The following C8orf34 variants were observed in gnomAD, a reference collection of about 807,000 sequenced individuals.
C8orf34 encodes the protein chromosome 8 open reading frame 34.
In C8orf34, 65 loss-of-function variants were observed where a neutral mutation model predicts 68.3. The ratio of observed to expected loss-of-function variants is 0.95; its 90% confidence interval spans 0.78 to 1.17. The LOEUF (loss-of-function observed/expected upper bound fraction) is 1.17, where lower values mean the gene tolerates loss of function less well. Among genes scored for constraint, C8orf34 ranks in the 50% most tolerant of loss-of-function variants. C8orf34 has a pLI of 0.00. For synonymous variants in C8orf34, 244 were observed against 241.2 expected, an observed-to-expected ratio of 1.01 and a Z score of -0.11; for missense variants, 664 against 655.4, an observed-to-expected ratio of 1.01 and a Z score of -0.14.
intron 1 of C8orf34, among the ~76,000 whole-genome samples, chr8:68,382,327 G>GAC (rs1563393324): frequency 6.6e-6 from 1 of 150,764 alleles, no homozygotes; most frequent in Non-Finnish European, 1.5e-5. Context: ...TCTTGACAGT[G>GAC]TTATAGGTTG....
At chr8:68,724,988 C>T (rs921283463) in intron 10 of C8orf34, among the ~76,000 whole-genome samples, 15 of 152,036 alleles carry the variant, frequency 9.9e-5, no homozygotes, top group African/African-American at 3.1e-4. Flanking sequence ...GCACCTCAGC[C>T]TCCTGGGTAG....
chr8:68,460,924 C>T (rs557860207), intron 3 of C8orf34, among the ~76,000 whole-genome samples: 16 of 152,326 alleles, frequency 1.1e-4, no homozygotes, highest in South Asian at 4.1e-4. Context: ...TCACCAGCAA[C>T]GGAACAAAGC....
intron 10 of C8orf34, among the ~76,000 whole-genome samples, chr8:68,762,815 A>G (rs1441773913): frequency 6.6e-6 from 1 of 152,236 alleles, no homozygotes; most frequent in African/African-American, 2.4e-5. Context: ...CTAAGAATTA[A>G]CAGAGAAATT....
At chr8:68,793,790 C>A (rs1824082203) in intron 12 of C8orf34, among the ~76,000 whole-genome samples, 1 of 152,072 alleles carries the variant, frequency 6.6e-6, no homozygotes, top group Admixed American at 6.6e-5. Flanking sequence ...ACGTCCTGCC[C>A]ATGCACCCTG....
At chr8:68,582,111 T>C (rs1817083552) in intron 7 of C8orf34, among the ~76,000 whole-genome samples, 3 of 152,172 alleles carry the variant, frequency 2.0e-5, no homozygotes, top group Non-Finnish European at 4.4e-5. Context: ...CATATCTTAC[T>C]TAATCAGAGT....
At position 68,446,434 on chromosome 8, in the gene C8orf34, C is replaced by T. The variant is rs1267347993; in HGVS notation, c.581C>T (p.Ser194Phe). Residue 194 changes from serine (S) to phenylalanine (F), a missense_variant, in exon 3 of 14, where the codon TCT (serine) becomes TTT (phenylalanine). Ser to Phe is a radical substitution (Grantham distance 155). Transcript: ENST00000518698. The stretch of plus-strand genomic sequence containing the variant: ...AGTGACCTTGCTGTGTCTAATATTT[C>T]TCCACCATCACCGGACTCCAAATCA... ...SKSDLAVSNI[S>F]PPSPDSKSLP... 1.2e-6 allele frequency: 2 copies of T among 1,612,880 alleles called. No homozygotes were observed. The highest frequency in any genetic ancestry group is 1.7e-6 in the Non-Finnish European group (2 of 1,179,476).
At chr8:68,806,527 T>C (rs1824491153) in intron 12 of C8orf34, among the ~76,000 whole-genome samples, 1 of 152,148 alleles carries the variant, frequency 6.6e-6, no homozygotes, top group Admixed American at 6.5e-5. Flanking sequence ...CTGTAGATTA[T>C]TACTACTAAT....
rs1458033633 is a variant in C8orf34, at chr8:68,773,274, C to T, written c.1405-3125C>T. ...CTTGACTTGGGCCATCTTTTCTGAC[C>T]CATCAGAATCAGAGATACTGATGCC... On this transcript the variant is annotated intron_variant, in intron 10 of 13. Transcript: ENST00000518698. Among the ~76,000 whole-genome samples the T allele has an allele frequency of 2.0e-5, 3 of 152,120 alleles. No individual in the cohort carries two copies. The South Asian group carries it at 6.2e-4, about 32-fold the overall frequency.
At chr8:68,425,172 C>T (rs1399493590) in intron 1 of C8orf34, among the ~76,000 whole-genome samples, 1 of 152,104 alleles carries the variant, frequency 6.6e-6, no homozygotes, top group Non-Finnish European at 1.5e-5. Context: ...CTACAGCTAA[C>T]ATTATACTTA....
At chr8:68,551,678 G>A (rs1413748250) in intron 7 of C8orf34, among the ~76,000 whole-genome samples, 2 of 152,018 alleles carry the variant, frequency 1.3e-5, no homozygotes, top group Admixed American at 6.6e-5. Context: ...TGTGTAAGAT[G>A]GGGATGGGGG....
At chr8:68,451,833 GA>G (rs1811357314) in intron 3 of C8orf34, among the ~76,000 whole-genome samples, 1 of 151,940 alleles carries the variant, frequency 6.6e-6, no homozygotes, top group African/African-American at 2.4e-5. Context: ...AAATTAAGCT[GA>G]TAGACTTGTT....
rs190632176 is a variant in C8orf34, at chr8:68,812,676, A to G, written c.1550-3210A>G. Among the ~76,000 whole-genome samples the G allele has an allele frequency of 3.5e-3, 526 of 152,300 alleles. 6 individuals are homozygous for G. Among genetic ancestry groups the G allele is most frequent in the African/African-American group, 0.012 (507 of 41,576 alleles). ...ATTGTAAATGTTCAACATATACTTA[A>G]TAGATATTTATGCGTTCATAATTTT... On this transcript the variant is annotated intron_variant, in intron 12 of 13. Coordinates refer to ENST00000518698, the MANE Select transcript of C8orf34 (RefSeq NM_052958.4).
At chr8:68,748,434 T>A (rs1822581403) in intron 10 of C8orf34, among the ~76,000 whole-genome samples, 1 of 148,278 alleles carries the variant, frequency 6.7e-6, no homozygotes, top group Non-Finnish European at 1.5e-5. Context: ...GAAACTACCA[T>A]CAGAGTGAAC....
At chr8:68,388,434 A>G (rs757225649) in intron 1 of C8orf34, among the ~76,000 whole-genome samples, 4 of 151,996 alleles carry the variant, frequency 2.6e-5, no homozygotes, top group Non-Finnish European at 5.9e-5. Context: ...ACCACTTTCT[A>G]TGTCATTATG....
intron 7 of C8orf34, among the ~76,000 whole-genome samples, chr8:68,610,861 GTTTT>G (rs60113883): frequency 8.3e-6 from 1 of 120,476 alleles, no homozygotes. Flanking sequence ...TGAATCTTTG[GTTTT>G]TTTTTTTTTT....
intron 6 of C8orf34, among the ~76,000 whole-genome samples, chr8:68,529,860 C>T (rs1241653365): frequency 6.6e-6 from 1 of 151,900 alleles, no homozygotes; most frequent in Non-Finnish European, 1.5e-5. Context: ...ATTAATTTTG[C>T]ATAAAATATT....
Position 68,570,445 on chromosome 8 carries a change from C to T in C8orf34, c.1105+37296C>T, listed in dbSNP as rs188326907. 2.5e-3 allele frequency among the ~76,000 whole-genome samples: 379 copies of T among 152,258 alleles called. 2 individuals carry two copies. The highest frequency in any genetic ancestry group is 8.8e-3 in the Admixed American group (134 of 15,302). ...AGTATTCAACAACATAGACTTGGTGCTCTCCTGTGGTTAGAAAGGCACTCC... is the reference window on the plus strand; with the variant it reads ...AGTATTCAACAACATAGACTTGGTGTTCTCCTGTGGTTAGAAAGGCACTCC... On this transcript the variant is annotated intron_variant, in intron 7 of 13. Transcript: ENST00000518698.
intron 6 of C8orf34, among the ~76,000 whole-genome samples, chr8:68,527,586 T>A (rs528875568): frequency 1.3e-5 from 2 of 151,976 alleles, no homozygotes; most frequent in African/African-American, 4.8e-5. Flanking sequence ...AAATAAAAAA[T>A]AAAAAATTAA....
intron 8 of C8orf34, among the ~76,000 whole-genome samples, chr8:68,646,210 G>A (rs1488526344): frequency 6.6e-6 from 1 of 152,054 alleles, no homozygotes; most frequent in East Asian, 1.9e-4. Flanking sequence ...GTGTCTGAAA[G>A]TGAGTTTGCA....
Sources: gnomAD v4.1 joint callset for allele counts (sites outside exome capture counted in the v4.1 genomes callset) on GRCh38, gnomAD v4.1.1 for gene constraint, MANE v1.5 for transcripts, NCBI Gene and HGNC (gene_info 2026-07-23, HGNC 2026-07-21) for gene names.